The following YTHDF3 variants were observed in gnomAD, a reference collection of about 807,000 sequenced individuals.
The protein encoded by YTHDF3 is YTH N6-methyladenosine RNA binding protein F3.
A neutral mutation model predicts 52.5 loss-of-function variants in YTHDF3; 9 were observed. The observed-to-expected ratio is 0.17, with a 90% CI of 0.10 to 0.30. The LOEUF (loss-of-function observed/expected upper bound fraction) is 0.30. YTHDF3 is among the 10% of genes least tolerant of loss of function. The pLI is 1.00. For missense variants in YTHDF3, 534 were observed against 715.0 expected (o/e 0.75, Z 2.89); for synonymous variants, 274 against 243.3 (o/e 1.13, Z -1.18).
At chr8:63,194,529 G>C (rs1809114062) in intron 4 of YTHDF3, among the ~76,000 whole-genome samples, 1 of 151,934 alleles carries the variant, frequency 6.6e-6, no homozygotes, top group Non-Finnish European at 1.5e-5. Flanking sequence ...ATTTTGGGGG[G>C]AATAAGAATA....
At chr8:63,171,855 A>G (rs947595737) in intron 2 of YTHDF3, among the ~76,000 whole-genome samples, 1 of 152,310 alleles carries the variant, frequency 6.6e-6, no homozygotes, top group South Asian at 2.1e-4. Flanking sequence ...AACTTACTAT[A>G]ATTTCAGAGA....
rs150866447 is a variant in YTHDF3 at position 63,174,577 on chromosome 8, T to C, written c.50-754T>C. On this transcript the variant is annotated intron_variant, in intron 2 of 4. Transcript: ENST00000539294. ...CTTCTGAGTCTGCTCAAAAGCACTC[T>C]GAAACAGCATCCAGAGAATAACAAC... is the stretch of plus-strand genomic sequence containing the variant. 5.7e-3 allele frequency among the ~76,000 whole-genome samples: 871 copies of C among 152,328 alleles called. 11 individuals carry two copies. The highest frequency in any genetic ancestry group is 0.02 in the African/African-American group (843 of 41,582).
At chr8:63,208,160 A>G (rs184643964) in intron 4 of YTHDF3, among the ~76,000 whole-genome samples, 37 of 152,278 alleles carry the variant, frequency 2.4e-4, no homozygotes, top group African/African-American at 8.2e-4. Flanking sequence ...TCGTTAGTCT[A>G]TGAAATAGTT....
chr8:63,179,996 G>A (rs1254638913), intron 3 of YTHDF3, among the ~76,000 whole-genome samples: 3 of 150,794 alleles, frequency 2.0e-5, no homozygotes, highest in Non-Finnish European at 3.0e-5. Context: ...CCTCCCTCCC[G>A]GATGGGGCGG....
chr8:63,188,639 A>G (rs1808686754), intron 4 of YTHDF3: 1 of 142,220 alleles, frequency 7.0e-6, no homozygotes, highest in Admixed American at 7.1e-5. Context: ...CAACTTTTAA[A>G]TAAATGTTTT....
In YTHDF3 at chr8:63,186,980, TCAACCACCA is replaced by T. The variant is rs1250481091; in HGVS notation, c.977_985del (p.Pro326_Pro328del). ...AAAGCCAACTGCCTCAACAGCAGCC[TCAACCACCA>T]CAACCACAGCAGCAACAAGGACCTC... On this transcript the variant is annotated inframe_deletion, in exon 4 of 5. Transcript: ENST00000539294. The T allele has an allele frequency of 8.7e-6, 14 of 1,613,532 alleles. No homozygotes were observed. The highest frequency in any genetic ancestry group is 1.1e-5 in the Non-Finnish European group (13 of 1,179,760).
rs188052274 is a variant in YTHDF3, at chr8:63,207,249, A to G, written c.1735-2434A>G. 1.1e-3 allele frequency among the ~76,000 whole-genome samples: 173 copies of G among 152,280 alleles called. 1 individual carries two copies. The highest frequency in any genetic ancestry group is 4.0e-3 in the African/African-American group (168 of 41,574). ...CACTGTCTGATATTAGTATAGTTGT[A>G]TGAGTCTTCATTTGCTTTGTGTTAT... On this transcript the variant is annotated intron_variant, in intron 4 of 4. Transcript: ENST00000539294.
At chr8:63,206,135 G>A (rs924359991) in intron 4 of YTHDF3, among the ~76,000 whole-genome samples, 6 of 151,930 alleles carry the variant, frequency 3.9e-5, no homozygotes, top group Non-Finnish European at 5.9e-5. Flanking sequence ...GTGCAATGGC[G>A]CGATCTTGGC....
In YTHDF3 at chr8:63,209,774, A is replaced by C. The variant is rs1043707654; in HGVS notation, c.*68A>C. ...AGACTCTGGAAATGCCTAATAAGTC[A>C]AAGAAGACGTATTAAAGCTCTTTTC... On this transcript the variant is annotated 3_prime_UTR_variant, in exon 5 of 5. Coordinates refer to ENST00000539294, the MANE Select transcript of YTHDF3 (RefSeq NM_152758.6). The C allele has an allele frequency of 1.4e-6, 2 of 1,446,122 alleles. No homozygotes were observed. The highest frequency in any genetic ancestry group is 4.9e-5 in the Admixed American group (2 of 40,774). 89.6% of individuals were successfully genotyped at this position (1,446,122 alleles called of 1,614,324 possible).
chr8:63,209,724 G>T lies in YTHDF3; in HGVS notation c.*18G>T. 1 of 1,566,928 alleles carries T rather than the reference G, an allele frequency of 6.4e-7. No individual in the cohort carries two copies. On this transcript the variant is annotated 3_prime_UTR_variant, in exon 5 of 5. Coordinates refer to ENST00000539294, the MANE Select transcript of YTHDF3 (RefSeq NM_152758.6). ...AACAATAACCGTATGAAGATGTCCT[G>T]TTAAATTTACAACACTAACGATGTA...
intron 4 of YTHDF3, among the ~76,000 whole-genome samples, chr8:63,197,009 T>C (rs896352583): frequency 2.0e-5 from 3 of 152,230 alleles, no homozygotes; most frequent in Admixed American, 2.0e-4. Context: ...TCAGAACTTT[T>C]GGCCATCTCA....
At chr8:63,204,030 G>A (rs1246330058) in intron 4 of YTHDF3, among the ~76,000 whole-genome samples, 2 of 152,164 alleles carry the variant, frequency 1.3e-5, no homozygotes, top group Non-Finnish European at 2.9e-5. Flanking sequence ...GGCAAGTCAT[G>A]CACTGTGCAG....
chr8:63,206,104 G>A (rs1325788247), intron 4 of YTHDF3, among the ~76,000 whole-genome samples: 5 of 151,978 alleles, frequency 3.3e-5, no homozygotes, highest in African/African-American at 9.7e-5. Context: ...ACGGAGTTTC[G>A]CTCTTGTTGT....
At chr8:63,191,329 T>A (rs1030000283) in intron 4 of YTHDF3, among the ~76,000 whole-genome samples, 1 of 152,210 alleles carries the variant, frequency 6.6e-6, no homozygotes, top group Admixed American at 6.5e-5. Context: ...ATTCTTTTTC[T>A]CTTCATTTGG....
At position 63,175,369 on chromosome 8, in the gene YTHDF3, G is replaced by A; in HGVS notation, c.88G>A (p.Val30Ile). Residue 30 changes from valine (V) to isoleucine (I), a missense_variant, in exon 3 of 5, where the codon GTA (valine) becomes ATA (isoleucine). Physicochemically the swap from Val to Ile is conservative, Grantham distance 29. Coordinates refer to ENST00000539294, the MANE Select transcript of YTHDF3 (RefSeq NM_152758.6). ...QNGSIHQKDA[V>I]NDDDFEPYLS... ...CGGTTCGATTCATCAAAAAGATGCT[G>A]TAAATGATGATGATTTTGAGCCATA... 6.2e-7 allele frequency: 1 copy of A among 1,611,552 alleles called. No homozygotes were observed. The highest frequency in any genetic ancestry group is 8.5e-7 in the Non-Finnish European group (1 of 1,178,596).
Position 63,196,813 on chromosome 8 carries a change from G to A in YTHDF3, c.1734+9068G>A, listed in dbSNP as rs116829114. The stretch of plus-strand genomic sequence containing the variant: ...TTGGAGGGTCGGGGGAGTAAAAGAA[G>A]TGTAGACTTAAAAGAGCTTAGCCAC... On this transcript the variant is annotated intron_variant, in intron 4 of 4. Transcript: ENST00000539294. 8.0e-3 allele frequency among the ~76,000 whole-genome samples: 1,218 copies of A among 152,238 alleles called. 24 individuals carry two copies. The highest frequency in any genetic ancestry group is 0.028 in the African/African-American group (1,174 of 41,550).
At chr8:63,172,567 T>C (rs1388948921) in intron 2 of YTHDF3, 1 of 393,862 alleles carries the variant, frequency 2.5e-6, no homozygotes, top group Non-Finnish European at 4.5e-6. Context: ...CACTTTACTA[T>C]CATTATTTTA....
intron 2 of YTHDF3, among the ~76,000 whole-genome samples, chr8:63,170,648 T>A (rs1337806687): frequency 6.6e-6 from 1 of 152,302 alleles, no homozygotes; most frequent in African/African-American, 2.4e-5. Flanking sequence ...ATCCATTAAT[T>A]TCTTCTTTTG....
intron 3 of YTHDF3, among the ~76,000 whole-genome samples, chr8:63,185,317 G>A (rs534910423): frequency 6.6e-6 from 1 of 151,194 alleles, no homozygotes; most frequent in East Asian, 1.9e-4. Context: ...TTGATTTTTG[G>A]CAGTTCACTA....
Sources: allele counts gnomAD v4.1 joint callset (sites outside exome capture counted in the v4.1 genomes callset), GRCh38; gene constraint gnomAD v4.1.1; transcripts MANE v1.5; gene names NCBI Gene and HGNC (gene_info 2026-07-23, HGNC 2026-07-21).